RMND1: variants seen among roughly 807,000 people sequenced by gnomAD.
RMND1 encodes required for meiotic nuclear division protein 1 homolog.
Under a neutral mutation model 54.0 loss-of-function variants are expected in RMND1, and 41 were observed. That is an observed-to-expected ratio of 0.76 (90% CI 0.59 to 0.98). The LOEUF (loss-of-function observed/expected upper bound fraction) is 0.98, where lower values mean the gene tolerates loss of function less well. RMND1 is among the 50% of genes least tolerant of loss of function. The pLI is 0.00. For missense variants in RMND1, 457 were observed against 532.0 expected (o/e 0.86, Z 1.39); for synonymous variants, 183 against 181.7 (o/e 1.01, Z -0.06).
rs370497750 is a variant in RMND1 at position 151,423,627 on chromosome 6, G to A, written c.835C>T (p.Gln279Ter). The change falls in exon 7 of 12, where the codon CAG becomes TAG. Residue 279 changes from glutamine to a stop codon, truncating the protein, a stop_gained. Transcript: ENST00000444024. LOFTEE classifies it high-confidence loss of function. ...EELNYIKIEG[Q>*]SKLHRGEIKL... ...ATTTCCCCCCTGTGAAGTTTTGACT[G>A]TCCCCTGTGAAAAGCAAAAAGATAA... 5 of 1,608,138 alleles carry A rather than the reference G, an allele frequency of 3.1e-6. No individual in the cohort carries two copies. The highest frequency in any genetic ancestry group is 4.3e-6 in the Non-Finnish European group (5 of 1,174,816).
chr6:151,412,123 T>A (rs1337080840), intron 10 of RMND1, among the ~76,000 whole-genome samples: 1 of 152,140 alleles, frequency 6.6e-6, no homozygotes, highest in Non-Finnish European at 1.5e-5. Flanking sequence ...TGCCTCAGCC[T>A]CCCAAGTGAC....
chr6:151,416,365 T>C (rs951058008), intron 10 of RMND1, among the ~76,000 whole-genome samples: 3 of 151,578 alleles, frequency 2.0e-5, no homozygotes, highest in African/African-American at 7.3e-5. Flanking sequence ...TGTACTAATG[T>C]CAATTTTCTG....
At position 151,451,861 on chromosome 6, in the gene RMND1, C is replaced by G. The variant is rs1330544977; in HGVS notation, c.-15+155G>C. On this transcript the variant is annotated intron_variant, in intron 1 of 11. Transcript: ENST00000444024. Reference sequence around the variant, plus strand: ...GTTCATTAATTGAGTGCTTTTTACTCCCAGCTAAGCTGACCAAAGATCACG... The same window carrying G: ...GTTCATTAATTGAGTGCTTTTTACTGCCAGCTAAGCTGACCAAAGATCACG... Among the ~76,000 whole-genome samples the G allele has an allele frequency of 2.0e-5, 3 of 152,306 alleles. No homozygotes were observed. In the South Asian group the frequency reaches 6.2e-4, roughly 32 times the overall value.
At chr6:151,425,416 G>A (rs73625370) in intron 6 of RMND1, among the ~76,000 whole-genome samples, 1,550 of 149,440 alleles carry the variant, frequency 0.01, 25 homozygotes, top group African/African-American at 0.037. Flanking sequence ...CTCACAGACT[G>A]TACAGTAACG....
At chr6:151,447,676 C>T (rs1780994871) in intron 1 of RMND1, among the ~76,000 whole-genome samples, 1 of 152,162 alleles carries the variant, frequency 6.6e-6, no homozygotes, top group African/African-American at 2.4e-5. Flanking sequence ...CATTCTAGTC[C>T]AATTGGCTAC....
intron 1 of RMND1, among the ~76,000 whole-genome samples, chr6:151,450,439 T>C (rs80273666): frequency 0.41 from 38,787 of 94,796 alleles, 10,157 homozygotes; most frequent in African/African-American, 0.74. Flanking sequence ...CCACCCCGTC[T>C]GGGAGGGAGG....
chr6:151,429,137 T>G (rs1780385205), intron 5 of RMND1, among the ~76,000 whole-genome samples: 1 of 151,920 alleles, frequency 6.6e-6, no homozygotes, highest in Non-Finnish European at 1.5e-5. Context: ...TTTTTTTTTT[T>G]GAAGACAAGA....
At position 151,414,244 on chromosome 6, in the gene RMND1, T is replaced by TA. The variant is rs1165271617; in HGVS notation, c.1200+3034dup. On this transcript the variant is annotated intron_variant, in intron 10 of 11. Transcript: ENST00000444024. ...TGCCATTATACCTGGCTAATTTTTT[T>TA]AAAAAAAAGGTTAGTAGAAATGAGG... is the stretch of plus-strand genomic sequence containing the variant. Among the ~76,000 whole-genome samples the TA allele has an allele frequency of 1.1e-4, 16 of 151,788 alleles. No individual in the cohort carries two copies. In the East Asian group the frequency reaches 1.2e-3, roughly 11 times the overall value.
chr6:151,445,333 T>C lies in RMND1; in HGVS notation c.479A>G (p.Asn160Ser), dbSNP rs1780921058. 6.2e-7 allele frequency: 1 copy of C among 1,611,906 alleles called. No homozygotes were observed. Reference protein sequence around the residue: ...ASRTRQPSRTNLPVLSVNEDL... With the variant: ...ASRTRQPSRTSLPVLSVNEDL... ...CTCGTTCACAGACAGAACTGGAAGGTTGGTCCTGGATGGCTGTCTGGTCCT... is the reference window on the plus strand; with the variant it reads ...CTCGTTCACAGACAGAACTGGAAGGCTGGTCCTGGATGGCTGTCTGGTCCT... Residue 160 changes from asparagine (N) to serine (S), a missense_variant, in exon 2 of 12, where the codon AAC becomes AGC. Coordinates refer to ENST00000444024, the MANE Select transcript of RMND1 (RefSeq NM_017909.4).
intron 6 of RMND1, among the ~76,000 whole-genome samples, chr6:151,424,329 G>A (rs1181684213): frequency 6.6e-6 from 1 of 151,996 alleles, no homozygotes; most frequent in Non-Finnish European, 1.5e-5. Context: ...CGGGTGTGGT[G>A]GCGGGCGCCT....
At chr6:151,425,450 GTACACA>G (rs1562790843) in intron 6 of RMND1, among the ~76,000 whole-genome samples, 1 of 150,932 alleles carries the variant, frequency 6.6e-6, no homozygotes, top group African/African-American at 2.4e-5. Context: ...GTGGATAAGC[GTACACA>G]CACACACACA....
At chr6:151,425,235 G>C (rs1780259938) in intron 6 of RMND1, among the ~76,000 whole-genome samples, 1 of 152,176 alleles carries the variant, frequency 6.6e-6, no homozygotes, top group South Asian at 2.1e-4. Flanking sequence ...GAGCCACTGT[G>C]CTTGGTCACA....
intron 6 of RMND1, among the ~76,000 whole-genome samples, chr6:151,425,250 G>A (rs1023624983): frequency 1.3e-5 from 2 of 152,106 alleles, no homozygotes; most frequent in African/African-American, 4.8e-5. Context: ...GTCACAAGAT[G>A]CTTTATGAGT....
chr6:151,428,102 G>A (rs1319107485), intron 5 of RMND1, among the ~76,000 whole-genome samples: 1 of 152,012 alleles, frequency 6.6e-6, no homozygotes, highest in African/African-American at 2.4e-5. Context: ...GACAGAGCAA[G>A]ACCCTATCTC....
intron 4 of RMND1, 155 bp from the exon 5 acceptor site, chr6:151,430,332 AC>A (rs1340497338): frequency 1.9e-6 from 1 of 528,816 alleles, no homozygotes; most frequent in Admixed American, 3.2e-5. Context: ...CCTTAGGTGA[AC>A]TTCCTACAAT....
intron 9 of RMND1, among the ~76,000 whole-genome samples, chr6:151,419,033 G>C (rs1456798834): frequency 6.6e-6 from 1 of 151,356 alleles, no homozygotes; most frequent in South Asian, 2.1e-4. Context: ...GCCTCCCAAA[G>C]TGTTGGGATT....
chr6:151,406,629 C>T (rs898545112), intron 10 of RMND1, among the ~76,000 whole-genome samples: 21 of 152,204 alleles, frequency 1.4e-4, no homozygotes, highest in African/African-American at 4.8e-4. Flanking sequence ...GGATTACAGG[C>T]GTGAGCCACC....
At chr6:151,426,895 G>A (rs1780311753) in intron 6 of RMND1, among the ~76,000 whole-genome samples, 3 of 151,596 alleles carry the variant, frequency 2.0e-5, no homozygotes, top group South Asian at 2.1e-4. Context: ...TCAGCCTCCC[G>A]AGTAGCTGGG....
chr6:151,445,098 C>A, intron 2 of RMND1: 1 of 500,284 alleles, frequency 2.0e-6, no homozygotes, highest in Non-Finnish European at 3.5e-6. Flanking sequence ...TGTGTTATCA[C>A]CTGTATTTTG....
Sources: allele counts gnomAD v4.1 joint callset (sites outside exome capture counted in the v4.1 genomes callset), GRCh38; gene constraint gnomAD v4.1.1; transcripts MANE v1.5; gene names NCBI Gene and HGNC (gene_info 2026-07-23, HGNC 2026-07-21).